Variants in FAAH2 observed in about 807,000 individuals in gnomAD.
FAAH2 encodes the protein fatty-acid amide hydrolase 2.
In FAAH2, 60 loss-of-function variants were observed where a neutral mutation model predicts 36.9. The ratio of observed to expected loss-of-function variants is 1.63; its 90% CI spans 1.32 to 2.02. FAAH2 has a LOEUF of 2.02. Among genes scored for constraint, FAAH2 ranks in the 30% most tolerant of loss-of-function variants. FAAH2 has a pLI of 0.00. For missense variants in FAAH2, 689 were observed against 397.5 expected (o/e 1.73, Z -6.23); for synonymous variants, 214 against 143.8 (o/e 1.49, Z -3.49).
intron 7 of FAAH2, chrX:57,395,078 A>G: frequency 1.8e-6 from 1 of 548,521 alleles, no homozygotes; most frequent in Non-Finnish European, 3.4e-6. Flanking sequence ...AGCATTGATC[A>G]CTCCTTCAGT....
At chrX:57,161,364 T>A in the FAAH2 span, among the ~76,000 whole-genome samples, 5 of 111,626 alleles carry the variant, frequency 4.5e-5, no homozygotes, top group African/African-American at 1.3e-4. Context: ...GTTCTGTAGA[T>A]GTCTATTAGG....
chrX:57,271,166 G>T, the FAAH2 span, among the ~76,000 whole-genome samples: 1 of 112,453 alleles, frequency 8.9e-6, no homozygotes. Flanking sequence ...ATCTGCCATT[G>T]CTGAGGCTTG....
chrX:57,362,344 G>T (rs767020166), intron 5 of FAAH2, among the ~76,000 whole-genome samples: 16 of 110,638 alleles, frequency 1.4e-4, no homozygotes, highest in African/African-American at 4.6e-4. Context: ...ACACACTGGG[G>T]CCTGTCGGTG....
At chrX:57,157,025 T>C in the FAAH2 span, among the ~76,000 whole-genome samples, 4 of 112,373 alleles carry the variant, frequency 3.6e-5, no homozygotes, top group African/African-American at 1.3e-4. Flanking sequence ...TCAGGGTGGG[T>C]TTAATAATGA....
the FAAH2 span, among the ~76,000 whole-genome samples, chrX:57,160,067 A>G: frequency 4.8e-3 from 538 of 112,024 alleles, no homozygotes; most frequent in Non-Finnish European, 7.6e-3. Flanking sequence ...AATTTTGTCA[A>G]AGGCCTTTTC....
the FAAH2 span, among the ~76,000 whole-genome samples, chrX:57,219,528 C>T: frequency 4.5e-5 from 5 of 112,325 alleles, no homozygotes; most frequent in African/African-American, 6.5e-5. Context: ...TCTGCACAGC[C>T]TCTCTTGGTT....
chrX:57,137,380 G>A, the FAAH2 span: 10 of 748,419 alleles, frequency 1.3e-5, no homozygotes, highest in African/African-American at 2.1e-4. Flanking sequence ...GTAGGAGCGC[G>A]GCGAGACAGG....
chrX:57,175,441 C>T, the FAAH2 span, among the ~76,000 whole-genome samples: 1 of 111,440 alleles, frequency 9.0e-6, no homozygotes, highest in Non-Finnish European at 1.9e-5. Context: ...ACCCCTTTAC[C>T]TTGAATCCAT....
chrX:57,428,291 T>C (rs187099889), intron 7 of FAAH2, among the ~76,000 whole-genome samples: 1 of 112,023 alleles, frequency 8.9e-6, no homozygotes, highest in African/African-American at 3.2e-5. Flanking sequence ...ATAAGAGGAA[T>C]GAATATCATT....
the FAAH2 span, among the ~76,000 whole-genome samples, chrX:57,277,671 A>T: frequency 4.2e-4 from 47 of 111,623 alleles, no homozygotes; most frequent in Admixed American, 4.4e-3. Context: ...TATTTAGAAA[A>T]CCCCATTGTC....
the FAAH2 span, among the ~76,000 whole-genome samples, chrX:57,187,947 T>C: frequency 8.9e-6 from 1 of 111,886 alleles, no homozygotes; most frequent in Non-Finnish European, 1.9e-5. Context: ...TTTGATGTGC[T>C]GCTAGATTTG....
At chrX:57,334,274 A>ACACACACACACACACACG (rs2053486867) in intron 4 of FAAH2, among the ~76,000 whole-genome samples, 1 of 107,178 alleles carries the variant, frequency 9.3e-6, no homozygotes, top group African/African-American at 3.4e-5. Flanking sequence ...CGTCTCACAC[A>ACACACACACACACACACG]CACACACACA....
At chrX:57,392,490 A>C (rs754923818) in intron 7 of FAAH2, among the ~76,000 whole-genome samples, 5 of 112,026 alleles carry the variant, frequency 4.5e-5, no homozygotes, top group Non-Finnish European at 7.5e-5. Flanking sequence ...ATTAAGGCTG[A>C]AAATGACATC....
intron 5 of FAAH2, among the ~76,000 whole-genome samples, chrX:57,376,531 C>T (rs2054684149): frequency 8.9e-6 from 1 of 111,866 alleles, no homozygotes; most frequent in Non-Finnish European, 1.9e-5. Context: ...ATGATGGTCA[C>T]ATTTTCTTTA....
At chrX:57,293,067 T>G (rs1451811466) in intron 2 of FAAH2, among the ~76,000 whole-genome samples, 1 of 111,446 alleles carries the variant, frequency 9.0e-6, no homozygotes, top group African/African-American at 3.3e-5. Context: ...GCCAAAAACT[T>G]GGATTATTTT....
At chrX:57,437,504 C>T (rs924547129) in intron 8 of FAAH2, among the ~76,000 whole-genome samples, 3 of 109,282 alleles carry the variant, frequency 2.7e-5, no homozygotes, top group Non-Finnish European at 5.7e-5. Flanking sequence ...AAAGAATCCC[C>T]TAGAATTGAT....
At chrX:57,392,372 T>G (rs1383349929) in intron 7 of FAAH2, among the ~76,000 whole-genome samples, 1 of 111,799 alleles carries the variant, frequency 8.9e-6, no homozygotes, top group Non-Finnish European at 1.9e-5. Context: ...TTGTTTTTTT[T>G]GTTTGTTTGT....
chrX:57,486,766 C>T (rs1481804322), intron 10 of FAAH2, among the ~76,000 whole-genome samples: 1 of 111,734 alleles, frequency 8.9e-6, no homozygotes, highest in Non-Finnish European at 1.9e-5. Flanking sequence ...ACTGTTACAG[C>T]TTGAGAGAGG....
At chrX:57,299,848 C>T (rs1460523446) in intron 2 of FAAH2, among the ~76,000 whole-genome samples, 1 of 111,641 alleles carries the variant, frequency 9.0e-6, no homozygotes, top group Non-Finnish European at 1.9e-5. Context: ...AGTGAACTCC[C>T]ATTCACAATT....
Sources: allele counts gnomAD v4.1 joint callset (sites outside exome capture counted in the v4.1 genomes callset), GRCh38; gene constraint gnomAD v4.1.1; transcripts MANE v1.5; gene names NCBI Gene and HGNC (gene_info 2026-07-23, HGNC 2026-07-21).